GATA4: variants seen among roughly 807,000 people sequenced by gnomAD.
The protein encoded by GATA4 is transcription factor GATA-4.
Under a neutral mutation model 37.9 loss-of-function variants are expected in GATA4, and 7 were observed. That is an observed-to-expected ratio of 0.18 (90% confidence interval 0.11 to 0.35). GATA4 has a LOEUF of 0.35. GATA4 is among the 10% of genes least tolerant of loss of function. The pLI, the probability that GATA4 is intolerant of heterozygous loss-of-function variation, is 1.00. For missense variants in GATA4, 647 were observed against 653.0 expected, an observed-to-expected ratio of 0.99 and a Z score of 0.10; for synonymous variants, 372 against 292.6, an observed-to-expected ratio of 1.27 and a Z score of -2.77.
chr8:11,727,149 G>A (rs1302858725), intron 2 of GATA4, among the ~76,000 whole-genome samples: 3 of 152,206 alleles, frequency 2.0e-5, no homozygotes, highest in African/African-American at 7.2e-5. Context: ...GTAAGTGCCT[G>A]TCAGTCTTGG....
At chr8:11,724,770 G>C (rs1483653553) in intron 2 of GATA4, among the ~76,000 whole-genome samples, 1 of 152,274 alleles carries the variant, frequency 6.6e-6, no homozygotes, top group Non-Finnish European at 1.5e-5. Context: ...TGAAGGCAGA[G>C]TCTTGAGAGA....
intron 2 of GATA4, among the ~76,000 whole-genome samples, chr8:11,729,941 T>C (rs1412501445): frequency 7.7e-6 from 1 of 130,286 alleles, no homozygotes; most frequent in East Asian, 1.9e-4. Flanking sequence ...TTCTATTGTT[T>C]TTGAGAGAAG....
chr8:11,742,574 A>G (rs1023248366), intron 2 of GATA4, among the ~76,000 whole-genome samples: 1 of 152,116 alleles, frequency 6.6e-6, no homozygotes, highest in African/African-American at 2.4e-5. Context: ...GTGGGCGGTA[A>G]CTGGTAACCG....
At position 11,756,960 on chromosome 8, in the gene GATA4, T is replaced by C. The variant is rs56206007; in HGVS notation, c.1026T>C (p.Pro342=). 2,615 of 1,614,200 alleles carry C rather than the reference T, an allele frequency of 1.6e-3. 41 individuals carry two copies. The African/African-American group carries it at 0.031, about 19-fold the overall frequency. Reference sequence around the variant, plus strand: ...CTCCTTCAGGCAGTGAGAGCCTTCCTCCCGCCAGCGGTGCTTCCAGCAACT... The same window carrying C: ...CTCCTTCAGGCAGTGAGAGCCTTCCCCCCGCCAGCGGTGCTTCCAGCAACT... ...PAAPSGSESL[P]PASGASSNSS... is the part of the protein sequence containing the mutation. Residue 342 remains proline (P), a synonymous_variant, in exon 6 of 7, where the codon CCT becomes CCC. Coordinates refer to ENST00000532059, the MANE Select transcript of GATA4 (RefSeq NM_001308093.3).
At chr8:11,748,810 G>A in intron 2 of GATA4, 106 bp from the exon 3 acceptor site, 4 of 1,336,126 alleles carry the variant, frequency 3.0e-6, no homozygotes, top group Non-Finnish European at 4.3e-6. Context: ...CTCTTTCCAA[G>A]GAAAGGGCAT....
At chr8:11,748,834 T>C in intron 2 of GATA4, 82 bp from the exon 3 acceptor site, 2 of 1,505,332 alleles carry the variant, frequency 1.3e-6, no homozygotes, top group Non-Finnish European at 1.9e-6. Flanking sequence ...TTCTGTGCGC[T>C]CTAGATTCTC....
At chr8:11,685,079 A>G (rs1799095841) in intron 1 of GATA4, among the ~76,000 whole-genome samples, 1 of 152,238 alleles carries the variant, frequency 6.6e-6, no homozygotes, top group Non-Finnish European at 1.5e-5. Context: ...TTTGACAAGG[A>G]CGCACCAAAC....
intron 2 of GATA4, among the ~76,000 whole-genome samples, chr8:11,733,312 T>C (rs1282027019): frequency 1.3e-5 from 2 of 152,210 alleles, no homozygotes; most frequent in Non-Finnish European, 2.9e-5. Context: ...AAAATTTATA[T>C]GAAAGAGTTA....
chr8:11,722,034 G>T (rs1009523115), intron 2 of GATA4, among the ~76,000 whole-genome samples: 9 of 151,952 alleles, frequency 5.9e-5, no homozygotes, highest in Non-Finnish European at 1.3e-4. Flanking sequence ...ATTTTTTTGA[G>T]ACAGACTCTC....
At chr8:11,695,230 AC>A (rs1393413734) in intron 1 of GATA4, among the ~76,000 whole-genome samples, 2 of 151,948 alleles carry the variant, frequency 1.3e-5, no homozygotes, top group African/African-American at 4.8e-5. Context: ...ACATGGAGAA[AC>A]CCCGTCTCTA....
chr8:11,692,761 G>A (rs989921059), intron 1 of GATA4: 2 of 983,322 alleles, frequency 2.0e-6, no homozygotes. Context: ...CGGACGGACG[G>A]GGGGCGGGAA....
intron 1 of GATA4, among the ~76,000 whole-genome samples, chr8:11,677,285 T>G (rs1463296639): frequency 6.6e-6 from 1 of 152,216 alleles, no homozygotes; most frequent in Non-Finnish European, 1.5e-5. Flanking sequence ...TGAGGCTCTG[T>G]GAAGGCCAGG....
At chr8:11,703,020 C>G (rs999516972), upstream of GATA4, among the ~76,000 whole-genome samples, 1 of 152,196 alleles carries the variant, frequency 6.6e-6, no homozygotes, top group Non-Finnish European at 1.5e-5. Context: ...TTCACTCAGG[C>G]TGGGAATCCA....
intron 2 of GATA4, among the ~76,000 whole-genome samples, chr8:11,739,335 T>G (rs993361700): frequency 6.6e-5 from 10 of 152,240 alleles, no homozygotes; most frequent in Non-Finnish European, 1.3e-4. Context: ...ATTGGGCGTT[T>G]TGGTTGTTTC....
chr8:11,758,889 T>C lies in GATA4; in HGVS notation c.*414T>C, dbSNP rs7008652. The C allele has an allele frequency of 1.0e-2, 3,198 of 321,334 alleles. 88 individuals carry two copies. The highest frequency in any genetic ancestry group is 0.062 in the African/African-American group (2,889 of 46,572). 19.9% of individuals were successfully genotyped at this position (321,334 alleles called of 1,614,324 possible). On this transcript the variant is annotated 3_prime_UTR_variant, in exon 7 of 7. Coordinates refer to ENST00000532059, the MANE Select transcript of GATA4 (RefSeq NM_001308093.3). The stretch of plus-strand genomic sequence containing the variant: ...CCCGAATGACGGCATCTGTTTGCCA[T>C]GTACCTGGATGCGACGGGCCCCTGG...
At chr8:11,736,319 A>C (rs998047195) in intron 2 of GATA4, among the ~76,000 whole-genome samples, 2 of 152,246 alleles carry the variant, frequency 1.3e-5, no homozygotes, top group African/African-American at 4.8e-5. Flanking sequence ...ATGCTTTCAC[A>C]GGTAGGAGCC....
chr8:11,708,286 C>T lies in GATA4; in HGVS notation c.-27C>T, dbSNP rs1799984781. On this transcript the variant is annotated 5_prime_UTR_variant, in exon 2 of 7. Coordinates refer to ENST00000532059, the MANE Select transcript of GATA4 (RefSeq NM_001308093.3). This position sits in a 1 kb window ranked among gnomAD's most constrained non-coding sequence, Gnocchi z 6.7. ...CTTGACCTGCGAGGGAGAGAGAGGA[C>T]ACCGAAGCCGGGAGCTCGCAGGGAC... The T allele has an allele frequency of 1.9e-6, 3 of 1,561,290 alleles. No individual in the cohort carries two copies. Among genetic ancestry groups the T allele is most frequent in the African/African-American group, 1.3e-5 (1 of 74,316 alleles).
At chr8:11,712,192 A>T (rs1800215377) in intron 2 of GATA4, among the ~76,000 whole-genome samples, 1 of 152,246 alleles carries the variant, frequency 6.6e-6, no homozygotes, top group Admixed American at 6.5e-5. Context: ...ACTCACTGTC[A>T]TGTAGAGTTA....
At chr8:11,680,315 C>T (rs1412458390) in intron 1 of GATA4, among the ~76,000 whole-genome samples, 2 of 152,228 alleles carry the variant, frequency 1.3e-5, no homozygotes, top group Non-Finnish European at 2.9e-5. Context: ...GGAAGATCCC[C>T]GCGGACAGGC....
Sources: gnomAD v4.1 joint callset for allele counts (sites outside exome capture counted in the v4.1 genomes callset) on GRCh38, gnomAD v4.1.1 for gene constraint, Gnocchi (gnomAD v3.1) non-coding constraint, MANE v1.5 for transcripts, NCBI Gene and HGNC (gene_info 2026-07-23, HGNC 2026-07-21) for gene names.